Variants in GOLGA2 observed in about 807,000 individuals in gnomAD.
GOLGA2 encodes the protein golgin subfamily A member 2.
In GOLGA2, 49 loss-of-function variants were observed where a neutral mutation model predicts 148.8. The observed-to-expected ratio is 0.33, with a 90% CI of 0.26 to 0.42. The LOEUF is 0.42. Ranked by LOEUF, GOLGA2 falls within the 10% of genes least tolerant of loss-of-function variation. The pLI, the probability that GOLGA2 is intolerant of heterozygous loss-of-function variation, is 1.00. For synonymous variants in GOLGA2, 501 were observed against 511.8 expected, an observed-to-expected ratio of 0.98 and a Z score of 0.28; for missense variants, 1,178 against 1,304.6, an observed-to-expected ratio of 0.90 and a Z score of 1.49.
chr9:128,263,317 G>A (rs1375611198), intron 12 of GOLGA2, among the ~76,000 whole-genome samples: 2 of 152,166 alleles, frequency 1.3e-5, no homozygotes, highest in Non-Finnish European at 2.9e-5. Context: ...GCAGTGGTGA[G>A]ATCTCAGCTC....
Position 128,261,076 on chromosome 9 carries a change from G to T in GOLGA2, c.1420+96C>A. On this transcript the variant is annotated intron_variant, in intron 17 of 26. Coordinates refer to ENST00000611957, the MANE Select transcript of GOLGA2 (RefSeq NM_001366244.2). The surrounding 1 kb of genome is among the most constrained non-coding windows in gnomAD (Gnocchi z 5.7). Reference sequence around the variant, plus strand: ...CAGACCTCTTTCCCTCTGCCTCAAAGCCATTCCATCCACCCAACTCCCTGG... The same window carrying T: ...CAGACCTCTTTCCCTCTGCCTCAAATCCATTCCATCCACCCAACTCCCTGG... 1 of 871,010 alleles carries T rather than the reference G, an allele frequency of 1.1e-6. No homozygotes were observed. Among genetic ancestry groups the T allele is most frequent in the Non-Finnish European group, 2.0e-6 (1 of 509,362 alleles). The allele number at this position is 871,010 out of a possible 1,614,324, so 54.0% of individuals were successfully genotyped here. A position where few individuals can be genotyped will look rare whatever the true frequency, so the allele number is the denominator to read the frequency against.
At chr9:128,268,278 G>GA (rs1432072880) in intron 4 of GOLGA2, 118 bp from the exon 5 acceptor site, 7 of 1,152,810 alleles carry the variant, frequency 6.1e-6, no homozygotes, top group Non-Finnish European at 9.1e-6. Flanking sequence ...AGGCCTCAAG[G>GA]AAAAAAGCCC....
At position 128,261,764 on chromosome 9, in the gene GOLGA2, G is replaced by A; in HGVS notation, c.1135-7C>T. 6.3e-7 allele frequency: 1 copy of A among 1,597,664 alleles called. No homozygotes were observed. Among genetic ancestry groups the A allele is most frequent in the Non-Finnish European group, 8.6e-7 (1 of 1,164,974 alleles). On this transcript the variant is annotated splice_region_variant and splice_polypyrimidine_tract_variant and intron_variant, in intron 14 of 26. Transcript: ENST00000611957. The surrounding 1 kb of genome is among the most constrained non-coding windows in gnomAD (Gnocchi z 5.7). ...CTTCACACCGGCTTGAAAACTGGAT[G>A]GTGAAGAGCGAGAAGTTTAGATCTG...
At position 128,259,305 on chromosome 9, in the gene GOLGA2, A is replaced by G; in HGVS notation, c.1959T>C (p.Tyr653=). Residue 653 remains tyrosine (Y), a synonymous_variant, in exon 20 of 27, where the codon TAT becomes TAC. Coordinates refer to ENST00000611957, the MANE Select transcript of GOLGA2 (RefSeq NM_001366244.2). ...LGHLQQYVAA[Y]QQLTSEKEVL... is the part of the protein sequence containing the mutation. ...CCTCCTTCTCAGAGGTCAGCTGCTGATAGGCGGCCACATACTGCTGCAGGT... is the reference window on the plus strand; with the variant it reads ...CCTCCTTCTCAGAGGTCAGCTGCTGGTAGGCGGCCACATACTGCTGCAGGT... The G allele has an allele frequency of 6.2e-7, 1 of 1,611,550 alleles. No homozygotes were observed. The highest frequency in any genetic ancestry group is 8.5e-7 in the Non-Finnish European group (1 of 1,179,440).
intron 3 of GOLGA2, among the ~76,000 whole-genome samples, chr9:128,269,293 A>G (rs1193850226): frequency 6.6e-6 from 1 of 151,888 alleles, no homozygotes; most frequent in Non-Finnish European, 1.5e-5. Flanking sequence ...GGGAAAAAAA[A>G]AAAGCTGCCC....
chr9:128,261,493 G>A lies in GOLGA2; in HGVS notation c.1293C>T (p.Ser431=), dbSNP rs148841715. 2.7e-4 allele frequency: 436 copies of A among 1,610,632 alleles called. No individual in the cohort carries two copies. The highest frequency in any genetic ancestry group is 3.3e-4 in the Non-Finnish European group (392 of 1,176,818). The change falls in exon 16 of 27, where the codon AGC becomes AGT. Residue 431 remains serine, a synonymous_variant. Transcript: ENST00000611957. The surrounding 1 kb of genome is among the most constrained non-coding windows in gnomAD (Gnocchi z 5.7). ...GCTGCATCCTCTGCCGCCACATGGC[G>A]CTCTCTCCTTTGAGATTCTCCGCAT... ...DKYAENLKGE[S]AMWRQRMQQM...
At position 128,268,099 on chromosome 9, in the gene GOLGA2, C is replaced by T; in HGVS notation, c.437+18G>A. 6.2e-7 allele frequency: 1 copy of T among 1,611,376 alleles called. No homozygotes were observed. Among genetic ancestry groups the T allele is most frequent in the Non-Finnish European group, 8.5e-7 (1 of 1,177,552 alleles). On this transcript the variant is annotated intron_variant, in intron 5 of 26. Coordinates refer to ENST00000611957, the MANE Select transcript of GOLGA2 (RefSeq NM_001366244.2). Reference sequence around the variant, plus strand: ...CTCTCTCAGCCTAGAGACTGCTGCCCCAACAGGAGACACTCACTTGGTTTC... The same window carrying T: ...CTCTCTCAGCCTAGAGACTGCTGCCTCAACAGGAGACACTCACTTGGTTTC...
At position 128,258,111 on chromosome 9, in the gene GOLGA2, G is replaced by A. The variant is rs376811210; in HGVS notation, c.2377C>T (p.Arg793Trp). ...GAGGCCAGCAGGTGAGCCAGGCGCC[G>A]GCAGCGCACCCTTTGCTCCTTCAGC... ...GQLKEQRVRC[R>W]RLAHLLASAQ... Residue 793 changes from arginine (R) to tryptophan (W), a missense_variant, in exon 23 of 27, where the codon CGG becomes TGG. Transcript: ENST00000611957. The surrounding 1 kb of genome is among the most constrained non-coding windows in gnomAD (Gnocchi z 6.6). 163 of 1,609,314 alleles carry A rather than the reference G, an allele frequency of 1.0e-4. No homozygotes were observed. In the East Asian group the frequency reaches 2.1e-3, roughly 21 times the overall value.
In GOLGA2 at chr9:128,275,905, T is replaced by G. The variant is rs758817038; in HGVS notation, c.72A>C (p.Ala24=). ...CGGTGCACTTTACCTTTTTCTTCGC[T>G]GCGGCCAATTTGCTCTGTCGGGTTT... ...SEETRQSKLA[A]AKKKLREYQQ... Residue 24 remains alanine, a synonymous_variant, in exon 1 of 27, where the codon GCA becomes GCC. Coordinates refer to ENST00000611957, the MANE Select transcript of GOLGA2 (RefSeq NM_001366244.2). 1.9e-6 allele frequency: 3 copies of G among 1,573,104 alleles called. No homozygotes were observed. Among genetic ancestry groups the G allele is most frequent in the South Asian group, 2.3e-5 (2 of 88,104 alleles).
In GOLGA2 at chr9:128,258,653, C is replaced by G; in HGVS notation, c.2174-83G>C. The G allele has an allele frequency of 2.0e-6, 2 of 979,382 alleles. No individual in the cohort carries two copies. The highest frequency in any genetic ancestry group is 2.6e-5 in the Admixed American group (1 of 38,750). 60.7% of individuals were successfully genotyped at this position (979,382 alleles called of 1,614,324 possible). ...CTCTGCCCCCACCCTCACTGTGTAA[C>G]CCTGGGCCAGCCCCTCCCCAGAGGG... is the stretch of plus-strand genomic sequence containing the variant. On this transcript the variant is annotated intron_variant, in intron 21 of 26. Coordinates refer to ENST00000611957, the MANE Select transcript of GOLGA2 (RefSeq NM_001366244.2). The surrounding 1 kb of genome is among the most constrained non-coding windows in gnomAD (Gnocchi z 6.6).
At chr9:128,273,231 G>C (rs1281775150) in intron 2 of GOLGA2, among the ~76,000 whole-genome samples, 1 of 152,142 alleles carries the variant, frequency 6.6e-6, no homozygotes, top group East Asian at 1.9e-4. Flanking sequence ...TCTGAGTAAG[G>C]GTTCACTTGA....
chr9:128,272,739 A>T, intron 3 of GOLGA2, 46 bp downstream of exon 3: 1 of 655,144 alleles, frequency 1.5e-6, no homozygotes, highest in Non-Finnish European at 2.2e-6. Flanking sequence ...AGGGGCATGC[A>T]CAGCTGGAGA....
At chr9:128,274,378 A>G (rs1248205760) in intron 1 of GOLGA2, among the ~76,000 whole-genome samples, 1 of 152,186 alleles carries the variant, frequency 6.6e-6, no homozygotes, top group Non-Finnish European at 1.5e-5. Flanking sequence ...CACTCCACCA[A>G]GGAGAATTCA....
In GOLGA2 at chr9:128,260,658, C is replaced by T. The variant is rs764971623; in HGVS notation, c.1565G>A (p.Arg522His). ...AQVQDNEGLSRLNREQEERLL... is the reference protein window; with the variant it reads ...AQVQDNEGLSHLNREQEERLL... ...CCTCTCCTCCTGCTCCCGGTTCAGG[C>T]GACTCAAGCCCTCATTGTCTTGCAC... The change falls in exon 18 of 27, where the codon CGC becomes CAC. Residue 522 changes from arginine to histidine, a missense_variant. Transcript: ENST00000611957. This position sits in a 1 kb window ranked among gnomAD's most constrained non-coding sequence, Gnocchi z 4.8. 43 of 1,612,582 alleles carry T rather than the reference C, an allele frequency of 2.7e-5. No homozygotes were observed. Among genetic ancestry groups the T allele is most frequent in the Admixed American group, 1.0e-4 (6 of 60,000 alleles).
chr9:128,270,034 C>G (rs1830836759), intron 3 of GOLGA2, among the ~76,000 whole-genome samples: 1 of 152,082 alleles, frequency 6.6e-6, no homozygotes, highest in Admixed American at 6.6e-5. Context: ...GCTGGCACTC[C>G]TAGCAATGGA....
intron 1 of GOLGA2, among the ~76,000 whole-genome samples, chr9:128,274,491 G>C (rs2131397421): frequency 6.6e-6 from 1 of 152,314 alleles, no homozygotes; most frequent in East Asian, 1.9e-4. Flanking sequence ...GGGCAACACA[G>C]TGACACCCCC....
At chr9:128,273,816 CCT>C in intron 2 of GOLGA2, 32 bp downstream of exon 2, 3 of 1,611,070 alleles carry the variant, frequency 1.9e-6, no homozygotes, top group Non-Finnish European at 2.5e-6. Context: ...CCTTGGGCCC[CCT>C]GTCCCCAGGA....
intron 12 of GOLGA2, among the ~76,000 whole-genome samples, chr9:128,264,407 G>GTTT (rs1830470700): frequency 6.9e-6 from 1 of 144,016 alleles, no homozygotes; most frequent in African/African-American, 2.6e-5. Flanking sequence ...GCTAATTTTT[G>GTTT]TTATTATTTA....
rs1408438669 is a variant in GOLGA2, at chr9:128,261,944, C to CT, written c.1135-188dup. On this transcript the variant is annotated intron_variant, in intron 14 of 26. Transcript: ENST00000611957. This position sits in a 1 kb window ranked among gnomAD's most constrained non-coding sequence, Gnocchi z 5.7. ...TCAGGCCAGGCATGGTGGCTGATGCCTGTAATCTCAACACTTTGGGAGGCT... is the reference window on the plus strand; with the variant it reads ...TCAGGCCAGGCATGGTGGCTGATGCCTTGTAATCTCAACACTTTGGGAGGCT... The CT allele has an allele frequency of 1.7e-6, 1 of 576,792 alleles. No homozygotes were observed. The highest frequency in any genetic ancestry group is 1.9e-5 in the African/African-American group (1 of 53,392). The allele number at this position is 576,792 out of a possible 1,614,324, so 35.7% of individuals were successfully genotyped here.
Sources: allele counts gnomAD v4.1 joint callset (sites outside exome capture counted in the v4.1 genomes callset), GRCh38; gene constraint gnomAD v4.1.1; non-coding constraint Gnocchi (gnomAD v3.1); transcripts MANE v1.5; gene names NCBI Gene and HGNC (gene_info 2026-07-23, HGNC 2026-07-21).